Variants in ITGA8 observed in about 807,000 individuals in gnomAD.
ITGA8 encodes the protein integrin alpha-8.
Under a neutral mutation model 142.3 loss-of-function variants are expected in ITGA8, and 91 were observed. The ratio of observed to expected loss-of-function variants is 0.64; its 90% CI spans 0.54 to 0.76. The LOEUF (loss-of-function observed/expected upper bound fraction) is 0.76. Ranked by LOEUF, ITGA8 falls within the 30% of genes least tolerant of loss-of-function variation. ITGA8 has a pLI of 0.00. For missense variants in ITGA8, 1,406 were observed against 1,327.7 expected (o/e 1.06, Z -0.92); for synonymous variants, 505 against 485.2 (o/e 1.04, Z -0.54).
intron 22 of ITGA8, among the ~76,000 whole-genome samples, chr10:15,588,668 G>GA (rs1832873030): frequency 6.6e-6 from 1 of 151,954 alleles, no homozygotes; most frequent in Non-Finnish European, 1.5e-5. Context: ...TTAGAATTAC[G>GA]AAAAAACAAA....
chr10:15,712,024 C>T (rs1351071287), intron 2 of ITGA8, among the ~76,000 whole-genome samples: 1 of 152,164 alleles, frequency 6.6e-6, no homozygotes, highest in Non-Finnish European at 1.5e-5. Flanking sequence ...GTATAAATCA[C>T]TTAGTCACAA....
intron 8 of ITGA8, among the ~76,000 whole-genome samples, chr10:15,670,379 C>T (rs968807839): frequency 6.6e-6 from 1 of 152,106 alleles, no homozygotes; most frequent in Non-Finnish European, 1.5e-5. Flanking sequence ...TAAAGATGAG[C>T]AAATAAGAAC....
rs771216620 is a variant in ITGA8 at position 15,671,589 on chromosome 10, A to G, written c.847+14T>C. 2.5e-6 allele frequency: 4 copies of G among 1,607,172 alleles called. No homozygotes were observed. In the East Asian group the frequency reaches 6.7e-5, roughly 27 times the overall value. On this transcript the variant is annotated intron_variant, in intron 8 of 29. Transcript: ENST00000378076. ...ATGCTTTATAAGTGATTTAAACTCA[A>G]CAGTGCCTCTCACCTTGCTGAGAAT...
At chr10:15,658,201 A>G (rs1171165760) in intron 10 of ITGA8, among the ~76,000 whole-genome samples, 3 of 152,132 alleles carry the variant, frequency 2.0e-5, no homozygotes, top group Non-Finnish European at 4.4e-5. Context: ...AGGTCAGATG[A>G]TTTTCCTGTG....
intron 13 of ITGA8, among the ~76,000 whole-genome samples, chr10:15,622,746 T>C (rs1375215791): frequency 1.3e-5 from 2 of 152,188 alleles, no homozygotes. Flanking sequence ...AAGTTAACAT[T>C]GATTATTATG....
At chr10:15,652,041 T>TA (rs986046300) in intron 11 of ITGA8, among the ~76,000 whole-genome samples, 7 of 152,200 alleles carry the variant, frequency 4.6e-5, no homozygotes, top group African/African-American at 7.2e-5. Context: ...TACTACGTAA[T>TA]AAAAAAATAG....
At chr10:15,639,530 T>C (rs1207889443) in intron 13 of ITGA8, among the ~76,000 whole-genome samples, 1 of 152,182 alleles carries the variant, frequency 6.6e-6, no homozygotes, top group East Asian at 1.9e-4. Flanking sequence ...AGCTCAGCAC[T>C]CTACAGCTCA....
chr10:15,687,262 C>T, intron 3 of ITGA8, among the ~76,000 whole-genome samples: 1 of 152,040 alleles, frequency 6.6e-6, no homozygotes, highest in East Asian at 1.9e-4. Context: ...AAAGTTATTG[C>T]TTTATTGTTG....
intron 5 of ITGA8, 102 bp downstream of exon 5, chr10:15,678,620 G>C (rs1433577740): frequency 2.6e-6 from 2 of 759,786 alleles, no homozygotes; most frequent in Admixed American, 2.3e-5. Context: ...AGATTCTTTG[G>C]TTCTTTGGTG....
intron 13 of ITGA8, among the ~76,000 whole-genome samples, chr10:15,623,329 T>C (rs1176651749): frequency 6.6e-6 from 1 of 152,114 alleles, no homozygotes; most frequent in African/African-American, 2.4e-5. Context: ...GGCTCCTTTT[T>C]ACACTGCCTT....
At chr10:15,552,330 G>T (rs947080437) in intron 26 of ITGA8, among the ~76,000 whole-genome samples, 3 of 152,032 alleles carry the variant, frequency 2.0e-5, no homozygotes, top group South Asian at 2.1e-4. Flanking sequence ...GTAGAGACGG[G>T]GTTTCACCAT....
At chr10:15,565,576 T>A in intron 25 of ITGA8, among the ~76,000 whole-genome samples, 1 of 91,320 alleles carries the variant, frequency 1.1e-5, no homozygotes, top group African/African-American at 5.2e-5. Context: ...TGTCCTGATT[T>A]TTTTTTTTTT....
chr10:15,576,616 T>C (rs552893235), intron 23 of ITGA8, among the ~76,000 whole-genome samples: 1 of 152,206 alleles, frequency 6.6e-6, no homozygotes, highest in Non-Finnish European at 1.5e-5. Context: ...CAACTTCAAA[T>C]GTTAGCAAAA....
intron 13 of ITGA8, among the ~76,000 whole-genome samples, chr10:15,641,808 T>G (rs1268869013): frequency 2.0e-5 from 3 of 152,116 alleles, no homozygotes; most frequent in Non-Finnish European, 4.4e-5. Flanking sequence ...AAGTGAATAT[T>G]TCTGATTAAG....
At chr10:15,695,147 A>C (rs552243880) in intron 2 of ITGA8, among the ~76,000 whole-genome samples, 1 of 152,304 alleles carries the variant, frequency 6.6e-6, no homozygotes, top group East Asian at 1.9e-4. Context: ...GCAAGTGTCA[A>C]CTGGGCAATT....
intron 2 of ITGA8, among the ~76,000 whole-genome samples, chr10:15,700,086 A>G (rs1234416760): frequency 1.3e-5 from 2 of 152,114 alleles, no homozygotes; most frequent in Admixed American, 6.6e-5. Context: ...TCATCTTCCA[A>G]TATTTTTCTA....
At chr10:15,678,421 T>A (rs147174098) in intron 5 of ITGA8, among the ~76,000 whole-genome samples, 5 of 152,076 alleles carry the variant, frequency 3.3e-5, no homozygotes, top group African/African-American at 7.2e-5. Flanking sequence ...CATTACTGAG[T>A]TTTTTAGATT....
At position 15,672,761 on chromosome 10, in the gene ITGA8, C is replaced by G. The variant is rs199806124; in HGVS notation, c.677-12G>C. On this transcript the variant is annotated splice_polypyrimidine_tract_variant and intron_variant, in intron 6 of 29. Coordinates refer to ENST00000378076, the MANE Select transcript of ITGA8 (RefSeq NM_003638.3). Reference sequence around the variant, plus strand: ...AGTGATCACTTGTCCTGTGTTTAAACAAATTAATACGTTAACTGAATGAAA... The same window carrying G: ...AGTGATCACTTGTCCTGTGTTTAAAGAAATTAATACGTTAACTGAATGAAA... The G allele has an allele frequency of 2.8e-5, 45 of 1,585,804 alleles. No homozygotes were observed. The highest frequency in any genetic ancestry group is 2.0e-4 in the Admixed American group (11 of 55,618).
At chr10:15,558,696 G>A (rs903083885) in intron 25 of ITGA8, among the ~76,000 whole-genome samples, 34 of 152,210 alleles carry the variant, frequency 2.2e-4, no homozygotes, top group East Asian at 1.9e-4. Flanking sequence ...TGAACCCCAC[G>A]TTCCTGCACT....
Sources: allele counts gnomAD v4.1 joint callset (sites outside exome capture counted in the v4.1 genomes callset), GRCh38; gene constraint gnomAD v4.1.1; transcripts MANE v1.5; gene names NCBI Gene and HGNC (gene_info 2026-07-23, HGNC 2026-07-21).